The following PRSS12 variants were observed in gnomAD, a reference collection of about 807,000 sequenced individuals.
PRSS12 encodes serine protease 12.
Under a neutral mutation model 104.4 loss-of-function variants are expected in PRSS12, and 85 were observed. The ratio of observed to expected loss-of-function variants is 0.81; its 90% confidence interval spans 0.68 to 0.98. PRSS12 has a LOEUF of 0.98. PRSS12 is among the 50% of genes least tolerant of loss of function. PRSS12 has a pLI of 0.00. For synonymous variants in PRSS12, 454 were observed against 425.2 expected (o/e 1.07, Z -0.83); for missense variants, 1,141 against 1,139.2 (o/e 1.00, Z -0.02).
intron 3 of PRSS12, among the ~76,000 whole-genome samples, chr4:118,333,614 C>CATGTATACAAAAAA (rs1201363281): frequency 1.3e-5 from 2 of 152,032 alleles, no homozygotes; most frequent in African/African-American, 4.8e-5. Flanking sequence ...TACAGAAAAA[C>CATGTATACAAAAAA]ATGTATACAT....
intron 4 of PRSS12, among the ~76,000 whole-genome samples, chr4:118,320,677 C>T (rs2126036515): frequency 6.6e-6 from 1 of 152,218 alleles, no homozygotes; most frequent in East Asian, 1.9e-4. Flanking sequence ...TGCTGGAACC[C>T]AGGAAGTCAA....
chr4:118,345,488 G>T (rs1249835356), intron 1 of PRSS12, among the ~76,000 whole-genome samples: 1 of 152,104 alleles, frequency 6.6e-6, no homozygotes, highest in African/African-American at 2.4e-5. Flanking sequence ...ATGCAGCTAA[G>T]GAGAGAGGCT....
intron 12 of PRSS12, 35 bp downstream of exon 12, chr4:118,282,795 CA>C: frequency 6.2e-7 from 1 of 1,613,238 alleles, no homozygotes; most frequent in Middle Eastern, 1.8e-4. Context: ...ATACCAGACA[CA>C]AAAAGGTGCC....
In PRSS12 at chr4:118,337,563, GCAGGA is replaced by G. The variant is rs147042880; in HGVS notation, c.641+608_641+612del. On this transcript the variant is annotated intron_variant, in intron 2 of 12. Transcript: ENST00000296498. Reference sequence around the variant, plus strand: ...CCCAGGCTGACAGCTCCTCAGGACAGCAGGACACTGCCAGAGCTAACAGAAGCTGC... The same window carrying G: ...CCCAGGCTGACAGCTCCTCAGGACAGCACTGCCAGAGCTAACAGAAGCTGC... Among the ~76,000 whole-genome samples the G allele has an allele frequency of 5.3e-3, 814 of 152,170 alleles. 8 individuals carry two copies. The highest frequency in any genetic ancestry group is 0.018 in the African/African-American group (754 of 41,522).
At chr4:118,328,816 C>G (rs531043184) in intron 4 of PRSS12, among the ~76,000 whole-genome samples, 1 of 151,974 alleles carries the variant, frequency 6.6e-6, no homozygotes, top group Non-Finnish European at 1.5e-5. Context: ...TTTCTTGAAA[C>G]GGAGTCTTGC....
intron 1 of PRSS12, among the ~76,000 whole-genome samples, chr4:118,344,660 C>T (rs1286881574): frequency 6.6e-6 from 1 of 151,970 alleles, no homozygotes; most frequent in East Asian, 1.9e-4. Context: ...AACTTAAATG[C>T]TGAGAAAAAA....
chr4:118,351,902 ACT>A (rs1724515343), intron 1 of PRSS12, among the ~76,000 whole-genome samples: 1 of 152,044 alleles, frequency 6.6e-6, no homozygotes, highest in African/African-American at 2.4e-5. Flanking sequence ...CCCAAAGCAC[ACT>A]GTCACCCAAT....
At chr4:118,325,123 TGAATTAACACAG>T (rs775015441) in intron 4 of PRSS12, among the ~76,000 whole-genome samples, 235 of 152,110 alleles carry the variant, frequency 1.5e-3, no homozygotes, top group Non-Finnish European at 2.6e-3. Flanking sequence ...CAATCCTAAG[TGAATTAACACAG>T]GAACAGAAAA....
intron 4 of PRSS12, 44 bp downstream of exon 4, chr4:118,331,672 T>C: frequency 6.2e-7 from 1 of 1,612,748 alleles, no homozygotes; most frequent in Non-Finnish European, 8.5e-7. Context: ...ATGGAAATAA[T>C]AAGATTCAAA....
chr4:118,302,468 C>T (rs1578910251), intron 8 of PRSS12, among the ~76,000 whole-genome samples: 1 of 152,266 alleles, frequency 6.6e-6, no homozygotes, highest in Middle Eastern at 3.4e-3. Context: ...GAAAAGTCGC[C>T]CAGGCTGGAG....
chr4:118,338,370 T>A, intron 1 of PRSS12, 56 bp from the exon 2 acceptor site: 1 of 1,601,860 alleles, frequency 6.2e-7, no homozygotes, highest in African/African-American at 1.3e-5. Flanking sequence ...TTTGAACATA[T>A]TGAGCCAGTC....
At chr4:118,316,472 T>C (rs1260487738) in intron 5 of PRSS12, 149 bp from the exon 6 acceptor site, 54 of 959,204 alleles carry the variant, frequency 5.6e-5, no homozygotes, top group Non-Finnish European at 7.8e-5. Context: ...TAAATGACCC[T>C]CTGAGGTTAT....
chr4:118,288,687 A>G (rs1743063402), intron 11 of PRSS12, among the ~76,000 whole-genome samples: 1 of 152,204 alleles, frequency 6.6e-6, no homozygotes, highest in Non-Finnish European at 1.5e-5. Flanking sequence ...ATATTCAGGA[A>G]TTTTTGTCTC....
intron 12 of PRSS12, among the ~76,000 whole-genome samples, chr4:118,282,605 C>T (rs761604090): frequency 6.6e-6 from 1 of 152,208 alleles, no homozygotes; most frequent in South Asian, 2.1e-4. Flanking sequence ...CAATTCATAT[C>T]TACTTCACTG....
intron 11 of PRSS12, among the ~76,000 whole-genome samples, chr4:118,287,138 C>A (rs1300768745): frequency 2.0e-5 from 3 of 152,078 alleles, no homozygotes; most frequent in Admixed American, 6.5e-5. Flanking sequence ...AATACACACA[C>A]ACACACATCT....
At chr4:118,294,882 T>C (rs1410918050) in intron 11 of PRSS12, 57 bp downstream of exon 11, 1 of 1,608,060 alleles carries the variant, frequency 6.2e-7, no homozygotes, top group Non-Finnish European at 8.5e-7. Flanking sequence ...CATGAGGGGA[T>C]TGGAAGAACT....
intron 11 of PRSS12, among the ~76,000 whole-genome samples, chr4:118,288,422 C>T (rs1436995816): frequency 6.6e-6 from 1 of 152,198 alleles, no homozygotes; most frequent in Non-Finnish European, 1.5e-5. Context: ...ATCTGACACA[C>T]TGTGTTCTTA....
chr4:118,343,717 C>A (rs1724274609), intron 1 of PRSS12, among the ~76,000 whole-genome samples: 1 of 152,116 alleles, frequency 6.6e-6, no homozygotes. Context: ...GACTGTGCCA[C>A]TATACTCCAG....
chr4:118,347,407 G>C (rs1328596971), intron 1 of PRSS12, among the ~76,000 whole-genome samples: 1 of 152,162 alleles, frequency 6.6e-6, no homozygotes, highest in Non-Finnish European at 1.5e-5. Context: ...AAGAGATTTT[G>C]GGTGGGTAGG....
Sources: gnomAD v4.1 joint callset for allele counts (sites outside exome capture counted in the v4.1 genomes callset) on GRCh38, gnomAD v4.1.1 for gene constraint, MANE v1.5 for transcripts, NCBI Gene and HGNC (gene_info 2026-07-23, HGNC 2026-07-21) for gene names.